The following WFDC1 variants were observed in gnomAD, a reference collection of about 807,000 sequenced individuals.
WFDC1 encodes WAP four-disulfide core domain 1, also known as WAP four-disulfide core domain protein 1.
In WFDC1, 39 loss-of-function variants were observed where a neutral mutation model predicts 32.9. That is an observed-to-expected ratio of 1.19 (90% confidence interval 0.92 to 1.55). The LOEUF is 1.55. Among genes scored for constraint, WFDC1 ranks in the 40% most tolerant of loss-of-function variants. The pLI is 0.00. For synonymous variants in WFDC1, 184 were observed against 137.4 expected (o/e 1.34, Z -2.37); for missense variants, 386 against 309.5 (o/e 1.25, Z -1.85).
intron 4 of WFDC1, among the ~76,000 whole-genome samples, chr16:84,322,160 CGTGTGTGT>C (rs10687228): frequency 9.1e-5 from 13 of 142,186 alleles, no homozygotes; most frequent in African/African-American, 2.9e-4. Flanking sequence ...TGTGTGTGTG[CGTGTGTGT>C]GTGTGTGTGT....
intron 1 of WFDC1, among the ~76,000 whole-genome samples, chr16:84,302,432 T>A (rs1037617246): frequency 5.3e-5 from 8 of 152,166 alleles, no homozygotes; most frequent in Non-Finnish European, 1.0e-4. Context: ...TCTCGGGAAT[T>A]CTGCGATGGC....
chr16:84,305,852 T>A (rs8046576), intron 1 of WFDC1, among the ~76,000 whole-genome samples: 21,999 of 150,586 alleles, frequency 0.15, 2,049 homozygotes, highest in African/African-American at 0.26. Flanking sequence ...AAATACAAAA[T>A]ATTAGCCAGG....
chr16:84,319,438 G>T lies in WFDC1; in HGVS notation c.429G>T (p.Ala143=). The change falls in exon 4 of 7, where the codon GCG becomes GCT. Residue 143 remains alanine, a synonymous_variant. Coordinates refer to ENST00000219454, the MANE Select transcript of WFDC1 (RefSeq NM_021197.4). ...CGTGTGTCCCTCCTGCAGCAGAGGC[G>T]TGCAGCACCACGGAGGATGGGGCCG... ...DGPEEVLQAE[A]CSTTEDGAEP... 1 of 1,610,216 alleles carries T rather than the reference G, an allele frequency of 6.2e-7. No individual in the cohort carries two copies.
chr16:84,318,473 A>G, intron 3 of WFDC1, 118 bp downstream of exon 3: 3 of 930,018 alleles, frequency 3.2e-6, no homozygotes, highest in Middle Eastern at 3.1e-4. Context: ...CCTTCAGCCA[A>G]ACACTCAGCC....
chr16:84,314,981 A>G (rs1907863867), intron 2 of WFDC1, among the ~76,000 whole-genome samples: 1 of 152,268 alleles, frequency 6.6e-6, no homozygotes, highest in African/African-American at 2.4e-5. Context: ...GACTGTTATC[A>G]GCCCTGTGTC....
At chr16:84,328,427 C>T (rs1908728699) in intron 6 of WFDC1, 1 of 152,228 alleles carries the variant, frequency 6.6e-6, no homozygotes, top group African/African-American at 2.4e-5. Flanking sequence ...GACAGCCTCC[C>T]AGGACGTCGC....
At chr16:84,308,147 C>T (rs886231576) in intron 1 of WFDC1, among the ~76,000 whole-genome samples, 3 of 152,130 alleles carry the variant, frequency 2.0e-5, no homozygotes, top group Non-Finnish European at 4.4e-5. Flanking sequence ...CCAGGCTTTC[C>T]TGCCGCACCA....
In WFDC1 at chr16:84,295,105, A is replaced by G. The variant is rs187062685; in HGVS notation, c.134A>G (p.Glu45Gly). 6.2e-7 allele frequency: 1 copy of G among 1,613,964 alleles called. No individual in the cohort carries two copies. The highest frequency in any genetic ancestry group is 1.3e-5 in the African/African-American group (1 of 75,068). The change falls in exon 1 of 7, where the codon GAG (glutamate) becomes GGG (glycine). Residue 45 changes from glutamate to glycine, a missense_variant. Coordinates refer to ENST00000219454, the MANE Select transcript of WFDC1 (RefSeq NM_021197.4). ...CGGGCATTGCCTGCGAGGCTGGCCG[A>G]GAAATCCCGTGTAAGTGCCTGGGAT... The part of the protein sequence containing the change: ...WKRALPARLA[E>G]KSRAEEAGAP...
chr16:84,313,020 G>T lies in WFDC1; in HGVS notation c.204G>T (p.Pro68=). The change falls in exon 2 of 7, where the codon CCG becomes CCT. Residue 68 remains proline (P), a synonymous_variant. Transcript: ENST00000219454. ...PRQPRADRCP[P]PPRTLPPGAC... ...AGCCCCGAGCAGACCGCTGCCCGCC[G>T]CCTCCGCGGACGCTGCCCCCCGGCG... 7.6e-7 allele frequency: 1 copy of T among 1,307,974 alleles called. No individual in the cohort carries two copies. The highest frequency in any genetic ancestry group is 2.1e-5 in the South Asian group (1 of 47,722). The allele number at this position is 1,307,974 out of a possible 1,614,324, so 81.0% of individuals were successfully genotyped here.
rs762841944 is a variant in WFDC1, at chr16:84,295,022, G to A, written c.51G>A (p.Arg17=). 7.4e-6 allele frequency: 12 copies of A among 1,614,104 alleles called. No homozygotes were observed. In the South Asian group the frequency reaches 1.2e-4, roughly 16 times the overall value. The change falls in exon 1 of 7, where the codon CGG becomes CGA. Residue 17 remains arginine (R), a synonymous_variant. Transcript: ENST00000219454. ...GCAGCTGCAGGAGGCAGATCATCCGGGCTCTGTGCCTCTTGCTACTTCTCC... is the reference window on the plus strand; with the variant it reads ...GCAGCTGCAGGAGGCAGATCATCCGAGCTCTGTGCCTCTTGCTACTTCTCC... ...GPGSCRRQII[R]ALCLLLLLLH...
intron 5 of WFDC1, 73 bp from the exon 6 acceptor site, chr16:84,326,809 C>T (rs1338177474): frequency 4.4e-6 from 7 of 1,587,718 alleles, no homozygotes; most frequent in African/African-American, 1.4e-5. Context: ...TTTGGCAGTT[C>T]CTGGTGAGCC....
At chr16:84,322,256 G>T (rs771203620) in intron 4 of WFDC1, among the ~76,000 whole-genome samples, 2 of 150,948 alleles carry the variant, frequency 1.3e-5, no homozygotes, top group African/African-American at 4.9e-5. Context: ...ATTCCCCCTA[G>T]CCTTGTTCTC....
At chr16:84,298,782 C>G (rs1471169612) in intron 1 of WFDC1, among the ~76,000 whole-genome samples, 4 of 152,180 alleles carry the variant, frequency 2.6e-5, no homozygotes, top group African/African-American at 9.7e-5. Flanking sequence ...TTGGTCTAAG[C>G]ATGCAGAGAC....
intron 1 of WFDC1, among the ~76,000 whole-genome samples, chr16:84,310,964 AAC>A (rs1043550233): frequency 6.6e-6 from 1 of 152,170 alleles, no homozygotes; most frequent in African/African-American, 2.4e-5. Context: ...AGATTAAAGG[AAC>A]AGTTTAGGCA....
chr16:84,300,364 C>G (rs982287245), intron 1 of WFDC1, among the ~76,000 whole-genome samples: 1 of 152,212 alleles, frequency 6.6e-6, no homozygotes, highest in Non-Finnish European at 1.5e-5. Context: ...GGTTTGAGCT[C>G]TAGTGCCCAG....
chr16:84,326,639 T>G, intron 5 of WFDC1: 5 of 483,642 alleles, frequency 1.0e-5, no homozygotes, highest in South Asian at 6.1e-5. Flanking sequence ...AAAGCTGGAG[T>G]GTGTGGTGAG....
chr16:84,296,468 GT>G (rs1293241393), intron 1 of WFDC1, among the ~76,000 whole-genome samples: 1 of 152,162 alleles, frequency 6.6e-6, no homozygotes, highest in Admixed American at 6.5e-5. Flanking sequence ...GTCAGACAGG[GT>G]TTTTAGGGTT....
chr16:84,320,176 T>C (rs549834189), intron 4 of WFDC1, among the ~76,000 whole-genome samples: 10 of 152,328 alleles, frequency 6.6e-5, no homozygotes, highest in Non-Finnish European at 1.0e-4. Flanking sequence ...TATTATAAAA[T>C]AGGCTTTGTG....
chr16:84,300,239 G>A (rs1049904664), intron 1 of WFDC1, among the ~76,000 whole-genome samples: 3 of 152,260 alleles, frequency 2.0e-5, no homozygotes, highest in Non-Finnish European at 2.9e-5. Flanking sequence ...CAAGGTGCCG[G>A]GGAGGTAACA....
Sources: allele counts gnomAD v4.1 joint callset (sites outside exome capture counted in the v4.1 genomes callset), GRCh38; gene constraint gnomAD v4.1.1; transcripts MANE v1.5; gene names NCBI Gene and HGNC (gene_info 2026-07-23, HGNC 2026-07-21).